Variants in ITGA1 observed in about 807,000 individuals in gnomAD.
The protein encoded by ITGA1 is integrin alpha-1.
A neutral mutation model predicts 145.9 loss-of-function variants in ITGA1; 85 were observed. The observed-to-expected ratio is 0.58, with a 90% CI of 0.49 to 0.70. The LOEUF (loss-of-function observed/expected upper bound fraction) is 0.70. Among genes scored for constraint, ITGA1 ranks in the 30% least tolerant of loss-of-function variants. The pLI is 0.00. For synonymous variants in ITGA1, 520 were observed against 495.3 expected (o/e 1.05, Z -0.66); for missense variants, 1,351 against 1,418.7 (o/e 0.95, Z 0.77).
intron 7 of ITGA1, among the ~76,000 whole-genome samples, chr5:52,882,639 A>G (rs1252551674): frequency 6.6e-6 from 1 of 152,044 alleles, no homozygotes; most frequent in Non-Finnish European, 1.5e-5. Context: ...AGTTTTCCTT[A>G]TGGTGAACAC....
At chr5:52,904,761 G>A (rs1750370866) in intron 11 of ITGA1, 2 of 151,542 alleles carry the variant, frequency 1.3e-5, no homozygotes, top group Admixed American at 1.3e-4. Flanking sequence ...GCTGAGGCAG[G>A]AGAATGGCGT....
intron 1 of ITGA1, among the ~76,000 whole-genome samples, chr5:52,829,595 C>T (rs1749026912): frequency 6.6e-6 from 1 of 151,596 alleles, no homozygotes; most frequent in South Asian, 2.1e-4. Flanking sequence ...AAAAGACTTT[C>T]AAAGGATATT....
chr5:52,854,799 C>A (rs985851653), intron 2 of ITGA1, among the ~76,000 whole-genome samples: 2 of 152,130 alleles, frequency 1.3e-5, no homozygotes, highest in Admixed American at 1.3e-4. Context: ...GCAAATATTT[C>A]TGCTTACTAA....
chr5:52,872,349 T>C (rs1749789644), intron 6 of ITGA1, among the ~76,000 whole-genome samples: 1 of 152,214 alleles, frequency 6.6e-6, no homozygotes, highest in East Asian at 1.9e-4. Context: ...TCTCTCTCAC[T>C]AGCCTCTAGT....
At chr5:52,903,073 T>C (rs995451538) in intron 11 of ITGA1, 1 of 152,172 alleles carries the variant, frequency 6.6e-6, no homozygotes, top group African/African-American at 2.4e-5. Flanking sequence ...TTATTTCAGC[T>C]AATATTTTTA....
chr5:52,893,254 G>A (rs1222624061), intron 8 of ITGA1, among the ~76,000 whole-genome samples: 1 of 152,128 alleles, frequency 6.6e-6, no homozygotes, highest in African/African-American at 2.4e-5. Flanking sequence ...GTTTCAGGAA[G>A]AATTGCTCAT....
chr5:52,915,631 G>A, intron 15 of ITGA1, 37 bp downstream of exon 15: 1 of 1,609,252 alleles, frequency 6.2e-7, no homozygotes, highest in Non-Finnish European at 8.5e-7. Context: ...ATCTGAGACT[G>A]GGTCACTTGC....
chr5:52,925,439 C>G lies in ITGA1; in HGVS notation c.2565C>G (p.Thr855=). The G allele has an allele frequency of 6.2e-7, 1 of 1,613,992 alleles. No homozygotes were observed. The highest frequency in any genetic ancestry group is 8.5e-7 in the Non-Finnish European group (1 of 1,179,896). The change falls in exon 19 of 29, where the codon ACC becomes ACG. Residue 855 remains threonine, a synonymous_variant. Coordinates refer to ENST00000282588, the MANE Select transcript of ITGA1 (RefSeq NM_181501.2). The part of the protein sequence containing the change: ...VKNTKDSAYN[T]RTIVHYSPNL... Reference sequence around the variant, plus strand: ...ATACAAAGGACAGTGCCTATAACACCAGGACAATAGTGCATTATTCTCCAA... The same window carrying G: ...ATACAAAGGACAGTGCCTATAACACGAGGACAATAGTGCATTATTCTCCAA...
At chr5:52,918,641 C>CCT in intron 15 of ITGA1, 91 bp from the exon 16 acceptor site, 1 of 1,254,414 alleles carries the variant, frequency 8.0e-7, no homozygotes, top group Non-Finnish European at 1.1e-6. Flanking sequence ...TGAAGCAGAA[C>CCT]CCTCTTCCAT....
chr5:52,846,101 T>G (rs1749329126), intron 1 of ITGA1, among the ~76,000 whole-genome samples: 1 of 152,060 alleles, frequency 6.6e-6, no homozygotes, highest in African/African-American at 2.4e-5. Context: ...ATACTGTAGG[T>G]CACGGAAGCA....
intron 23 of ITGA1, among the ~76,000 whole-genome samples, chr5:52,936,988 C>T (rs532424925): frequency 6.7e-6 from 1 of 148,812 alleles, no homozygotes; most frequent in South Asian, 2.1e-4. Context: ...GTAAAGGCAA[C>T]CAAAAATCTA....
intron 28 of ITGA1, among the ~76,000 whole-genome samples, chr5:52,948,011 T>C (rs561286053): frequency 6.6e-6 from 1 of 152,146 alleles, no homozygotes; most frequent in African/African-American, 2.4e-5. Flanking sequence ...TCAGCTGATG[T>C]AGGGGAGATC....
At chr5:52,931,167 T>C (rs912095405) in intron 21 of ITGA1, 2 of 152,206 alleles carry the variant, frequency 1.3e-5, no homozygotes, top group Admixed American at 6.5e-5. Flanking sequence ...TGGAGGGGTA[T>C]GTGTAAAATA....
At chr5:52,915,116 C>T (rs1750623435) in intron 14 of ITGA1, among the ~76,000 whole-genome samples, 1 of 152,118 alleles carries the variant, frequency 6.6e-6, no homozygotes, top group South Asian at 2.1e-4. Context: ...TCAAGATTTC[C>T]AGTACCTTTA....
chr5:52,886,290 G>A (rs186502525), intron 7 of ITGA1, among the ~76,000 whole-genome samples: 1 of 152,286 alleles, frequency 6.6e-6, no homozygotes, highest in Non-Finnish European at 1.5e-5. Flanking sequence ...TCAACATCTT[G>A]TCATATTTGC....
At chr5:52,849,039 C>T (rs994816585) in intron 1 of ITGA1, among the ~76,000 whole-genome samples, 7 of 152,112 alleles carry the variant, frequency 4.6e-5, no homozygotes, top group African/African-American at 9.7e-5. Flanking sequence ...AATAGACATA[C>T]GTGTGCATGT....
intron 1 of ITGA1, among the ~76,000 whole-genome samples, chr5:52,847,568 T>G (rs1749356944): frequency 6.6e-6 from 1 of 152,202 alleles, no homozygotes; most frequent in African/African-American, 2.4e-5. Context: ...TTGTTTGGTT[T>G]GTTTGAGACA....
chr5:52,912,806 G>A (rs1387369634), intron 14 of ITGA1, among the ~76,000 whole-genome samples: 2 of 149,894 alleles, frequency 1.3e-5, no homozygotes, highest in Non-Finnish European at 3.0e-5. Context: ...GACTGCAGTG[G>A]CACGATCTCA....
At chr5:52,810,304 G>A (rs985688506) in intron 1 of ITGA1, among the ~76,000 whole-genome samples, 2 of 152,234 alleles carry the variant, frequency 1.3e-5, no homozygotes, top group Non-Finnish European at 2.9e-5. Context: ...GCTGGGGCCT[G>A]GGGAAGGCCC....
Sources: gnomAD v4.1 joint callset for allele counts (sites outside exome capture counted in the v4.1 genomes callset) on GRCh38, gnomAD v4.1.1 for gene constraint, MANE v1.5 for transcripts, NCBI Gene and HGNC (gene_info 2026-07-23, HGNC 2026-07-21) for gene names.